Variants in CAPN7 observed in about 807,000 individuals in gnomAD.
The protein encoded by CAPN7 is calpain 7.
CAPN7 carries 72 observed loss-of-function variants against 115.2 expected under a neutral mutation model. The observed-to-expected ratio is 0.63, with a 90% CI of 0.52 to 0.76. The LOEUF (loss-of-function observed/expected upper bound fraction) is 0.76, where lower values mean the gene tolerates loss of function less well. Ranked by LOEUF, CAPN7 falls within the 30% of genes least tolerant of loss-of-function variation. CAPN7 has a pLI of 0.00. For synonymous variants in CAPN7, 344 were observed against 322.3 expected (o/e 1.07, Z -0.72); for missense variants, 905 against 971.5 (o/e 0.93, Z 0.91).
intron 1 of CAPN7, among the ~76,000 whole-genome samples, chr3:15,208,435 C>T (rs1428331960): frequency 6.7e-6 from 1 of 150,050 alleles, no homozygotes; most frequent in Non-Finnish European, 1.5e-5. Flanking sequence ...TACAGGTAGA[C>T]ACAACCACAC....
intron 1 of CAPN7, chr3:15,211,040 T>C: frequency 1.8e-6 from 1 of 570,284 alleles, no homozygotes; most frequent in Non-Finnish European, 2.2e-6. Context: ...TAACTGGTCG[T>C]GGAAGTTATG....
intron 17 of CAPN7, 89 bp from the exon 18 acceptor site, chr3:15,246,643 G>A: frequency 1.0e-6 from 1 of 956,808 alleles, no homozygotes; most frequent in Non-Finnish European, 1.6e-6. Flanking sequence ...TATGCCAACT[G>A]ATTTTTTTAG....
chr3:15,238,473 C>T (rs1221015740), intron 12 of CAPN7, among the ~76,000 whole-genome samples: 1 of 151,934 alleles, frequency 6.6e-6, no homozygotes, highest in Non-Finnish European at 1.5e-5. Flanking sequence ...TCTCTAGGAC[C>T]TCTTTTTTGC....
At chr3:15,239,855 C>A (rs1468349274) in intron 12 of CAPN7, among the ~76,000 whole-genome samples, 1 of 152,132 alleles carries the variant, frequency 6.6e-6, no homozygotes, top group African/African-American at 2.4e-5. Context: ...TTCACTATGT[C>A]TGTCTGCACT....
chr3:15,245,981 A>C (rs1695636740), intron 17 of CAPN7: 1 of 185,942 alleles, frequency 5.4e-6, no homozygotes, highest in Non-Finnish European at 1.1e-5. Flanking sequence ...TCTGTCACCC[A>C]GGCTGGAGTG....
At chr3:15,244,525 C>A (rs192160920) in intron 16 of CAPN7, among the ~76,000 whole-genome samples, 17 of 152,190 alleles carry the variant, frequency 1.1e-4, no homozygotes, top group Non-Finnish European at 2.4e-4. Context: ...TTACTCTTCT[C>A]ACTAGACCAC....
At chr3:15,212,264 A>G (rs776967562) in intron 2 of CAPN7, 52 bp downstream of exon 2, 7 of 962,478 alleles carry the variant, frequency 7.3e-6, no homozygotes, top group Non-Finnish European at 9.5e-6. Context: ...TTCTCCCATC[A>G]TGTCTTTCCC....
intron 2 of CAPN7, among the ~76,000 whole-genome samples, chr3:15,215,575 G>A (rs2045205812): frequency 6.6e-6 from 1 of 152,180 alleles, no homozygotes; most frequent in South Asian, 2.1e-4. Context: ...CATACAAATG[G>A]AATCATCCAA....
chr3:15,223,791 A>T (rs1200448717), intron 6 of CAPN7, among the ~76,000 whole-genome samples: 1 of 152,218 alleles, frequency 6.6e-6, no homozygotes, highest in African/African-American at 2.4e-5. Flanking sequence ...AGTGTCTAGC[A>T]CAGTACCTGG....
chr3:15,215,805 T>C (rs984578510), intron 2 of CAPN7, among the ~76,000 whole-genome samples: 1 of 152,160 alleles, frequency 6.6e-6, no homozygotes, highest in Admixed American at 6.5e-5. Context: ...AGAACATTCA[T>C]GTACACGCAG....
chr3:15,208,185 G>GT (rs545657301), intron 1 of CAPN7, among the ~76,000 whole-genome samples: 53 of 140,416 alleles, frequency 3.8e-4, no homozygotes, highest in Non-Finnish European at 7.3e-4. Flanking sequence ...ATATTTTTGT[G>GT]TTTTTTTATG....
intron 2 of CAPN7, among the ~76,000 whole-genome samples, chr3:15,214,997 G>T (rs78177912): frequency 0.049 from 7,409 of 152,264 alleles, 622 homozygotes; most frequent in African/African-American, 0.17. Context: ...GAATTATCCA[G>T]CCCAAAATGT....
chr3:15,234,435 A>G (rs751113820), intron 11 of CAPN7, among the ~76,000 whole-genome samples: 13 of 152,358 alleles, frequency 8.5e-5, no homozygotes, highest in Non-Finnish European at 1.5e-4. Context: ...ACTTCACATT[A>G]TGTACTTCCT....
At position 15,227,955 on chromosome 3, in the gene CAPN7, G is replaced by A. The variant is rs751885606; in HGVS notation, c.842G>A (p.Ser281Asn). Residue 281 changes from serine to asparagine, a missense_variant, in exon 7 of 21, where the codon AGC becomes AAC. By Grantham distance (46) the Ser-to-Asn change is conservative. Transcript: ENST00000253693. ...PTMIYTVSSF[S>N]IKQTIVSDCS... ...ATGATATATACTGTGTCCAGTTTTA[G>A]CATAAAGCAGGTGAGCATTTATTTT... The A allele has an allele frequency of 1.4e-6, 2 of 1,448,168 alleles. No homozygotes were observed. The highest frequency in any genetic ancestry group is 1.8e-6 in the Non-Finnish European group (2 of 1,097,186). 89.7% of individuals were successfully genotyped at this position (1,448,168 alleles called of 1,614,324 possible).
In CAPN7 at chr3:15,251,382, T is replaced by C; in HGVS notation, c.*122T>C. ...TGGAATTAAATCTCTAAAAACGTGT[T>C]ACAGTGGAATCTGGTGCTTGTCAGG... On this transcript the variant is annotated 3_prime_UTR_variant, in exon 21 of 21. Transcript: ENST00000253693. 5 of 838,972 alleles carry C rather than the reference T, an allele frequency of 6.0e-6. No homozygotes were observed. Among genetic ancestry groups the C allele is most frequent in the Non-Finnish European group, 9.2e-6 (5 of 542,292 alleles). The allele number at this position is 838,972 out of a possible 1,614,324, so 52.0% of individuals were successfully genotyped here.
intron 2 of CAPN7, among the ~76,000 whole-genome samples, chr3:15,216,991 A>G (rs1693648039): frequency 6.6e-6 from 1 of 151,864 alleles, no homozygotes; most frequent in Non-Finnish European, 1.5e-5. Context: ...TAATCCCATC[A>G]CTTTGGGAGG....
At chr3:15,224,309 A>C (rs1467037556) in intron 6 of CAPN7, among the ~76,000 whole-genome samples, 1 of 149,488 alleles carries the variant, frequency 6.7e-6, no homozygotes, top group Admixed American at 6.7e-5. Flanking sequence ...TCTCACTCCC[A>C]TTGCCTAGGC....
chr3:15,206,346 A>G lies in CAPN7; in HGVS notation c.-150A>G, dbSNP rs2044619045. 3 of 574,750 alleles carry G rather than the reference A, an allele frequency of 5.2e-6. No individual in the cohort carries two copies. 35.6% of individuals were successfully genotyped at this position (574,750 alleles called of 1,614,324 possible). On this transcript the variant is annotated 5_prime_UTR_variant, in exon 1 of 21. Transcript: ENST00000253693. ...CGGTGGACCCCAGCCCGGCAACGGG[A>G]AGGCGAGCTCTCCTCCACCGTCCAA... is the stretch of plus-strand genomic sequence containing the variant.
Position 15,232,611 on chromosome 3 carries a change from A to G in CAPN7, c.1125A>G (p.Ile375Met), listed in dbSNP as rs1447500802. The G allele has an allele frequency of 1.9e-6, 3 of 1,612,946 alleles. No homozygotes were observed. ...NNKSELWVSLIEKAYMKVMGG... is the reference protein window; with the variant it reads ...NNKSELWVSLMEKAYMKVMGG... ...AAAGTGAATTATGGGTTTCTCTCAT[A>G]GAAAAAGCATACATGAAAGTCATGG... is the stretch of plus-strand genomic sequence containing the variant. The change falls in exon 10 of 21, where the codon ATA (isoleucine) becomes ATG (methionine). Residue 375 changes from isoleucine (I) to methionine (M), a missense_variant. This residue lies in a region of CAPN7 where 620 missense variants were observed against 703.4 expected (regional missense o/e 0.88). Coordinates refer to ENST00000253693, the MANE Select transcript of CAPN7 (RefSeq NM_014296.3).
Sources: gnomAD v4.1 joint callset for allele counts (sites outside exome capture counted in the v4.1 genomes callset) on GRCh38, gnomAD v4.1.1 for gene constraint, gnomAD v4.1.1 regional missense constraint, MANE v1.5 for transcripts, NCBI Gene and HGNC (gene_info 2026-07-23, HGNC 2026-07-21) for gene names.